SEC14L1: variants seen among roughly 807,000 people sequenced by gnomAD.
SEC14L1 encodes the protein SEC14 like lipid binding 1.
In SEC14L1, 48 loss-of-function variants were observed where a neutral mutation model predicts 85.3. That is an observed-to-expected ratio of 0.56 (90% CI 0.45 to 0.72). SEC14L1 has a LOEUF of 0.72. SEC14L1 is among the 30% of genes least tolerant of loss of function. The pLI, the probability that SEC14L1 is intolerant of heterozygous loss-of-function variation, is 0.00. For missense variants in SEC14L1, 682 were observed against 921.4 expected (o/e 0.74, Z 3.36); for synonymous variants, 391 against 355.5 (o/e 1.10, Z -1.12).
At chr17:77,153,504 C>G (rs1409300406) in intron 3 of SEC14L1, among the ~76,000 whole-genome samples, 1 of 152,182 alleles carries the variant, frequency 6.6e-6, no homozygotes, top group Non-Finnish European at 1.5e-5. Context: ...CCAAATTAAA[C>G]TAGGCCATTC....
intron 3 of SEC14L1, among the ~76,000 whole-genome samples, chr17:77,172,574 C>T (rs1157609597): frequency 6.6e-6 from 1 of 152,032 alleles, no homozygotes; most frequent in Admixed American, 6.6e-5. Context: ...ACCTTTTGAG[C>T]GTCTCTCAAA....
chr17:77,213,839 G>A lies in SEC14L1; in HGVS notation c.2043-79G>A, dbSNP rs760737652. On this transcript the variant is annotated intron_variant, in intron 16 of 16. Coordinates refer to ENST00000436233, the MANE Select transcript of SEC14L1 (RefSeq NM_001143998.2). This position sits in a 1 kb window ranked among gnomAD's most constrained non-coding sequence, Gnocchi z 7.1. Reference sequence around the variant, plus strand: ...GTGAGCAGAGAACAGGGTGGGCCACGAAGTCCAGCAGGCAGTGTGGGCCGG... The same window carrying A: ...GTGAGCAGAGAACAGGGTGGGCCACAAAGTCCAGCAGGCAGTGTGGGCCGG... The A allele has an allele frequency of 1.9e-5, 29 of 1,554,708 alleles. No individual in the cohort carries two copies. Among genetic ancestry groups the A allele is most frequent in the Non-Finnish European group, 2.3e-5 (26 of 1,127,986 alleles).
intron 9 of SEC14L1, among the ~76,000 whole-genome samples, chr17:77,203,360 T>C (rs1293492158): frequency 6.6e-6 from 1 of 152,148 alleles, no homozygotes; most frequent in African/African-American, 2.4e-5. Flanking sequence ...TGTCAGTTGG[T>C]TTTTATTTTT....
chr17:77,188,933 T>C (rs1975395349), intron 3 of SEC14L1, among the ~76,000 whole-genome samples: 1 of 152,158 alleles, frequency 6.6e-6, no homozygotes, highest in South Asian at 2.1e-4. Context: ...TCCTCTCAGG[T>C]GAGATATCAC....
chr17:77,177,391 C>G (rs1000486022), intron 3 of SEC14L1, among the ~76,000 whole-genome samples: 2 of 149,290 alleles, frequency 1.3e-5, no homozygotes, highest in Non-Finnish European at 3.0e-5. Flanking sequence ...ATCAGGCATA[C>G]TAGATTATAC....
intron 3 of SEC14L1, among the ~76,000 whole-genome samples, chr17:77,148,285 C>T (rs962630238): frequency 1.3e-5 from 2 of 152,044 alleles, no homozygotes; most frequent in Non-Finnish European, 2.9e-5. Flanking sequence ...GAGAGGCCAC[C>T]TTCTGAACCC....
chr17:77,154,978 T>A (rs1323679997), intron 3 of SEC14L1, among the ~76,000 whole-genome samples: 1 of 152,236 alleles, frequency 6.6e-6, no homozygotes, highest in African/African-American at 2.4e-5. Context: ...CCTCTGATTT[T>A]GCTGTTTGGG....
At chr17:77,140,314 G>A (rs978591740), upstream of SEC14L1, among the ~76,000 whole-genome samples, 15 of 152,228 alleles carry the variant, frequency 9.9e-5, no homozygotes, top group Non-Finnish European at 1.5e-5. Context: ...GAGCCGTCTG[G>A]ATGTGTTGAC....
chr17:77,201,148 G>T (rs895326858), intron 9 of SEC14L1, among the ~76,000 whole-genome samples: 5 of 152,192 alleles, frequency 3.3e-5, no homozygotes, highest in Admixed American at 2.6e-4. Flanking sequence ...ATGAAGGGGG[G>T]CGATGCACCT....
At chr17:77,131,558 C>T (rs1297141382) in intron 3 of SEC14L1, among the ~76,000 whole-genome samples, 1 of 152,256 alleles carries the variant, frequency 6.6e-6, no homozygotes, top group South Asian at 2.1e-4. Flanking sequence ...GCGTGAGCCA[C>T]CACACCCAGC....
chr17:77,183,187 G>T (rs1370829071), intron 3 of SEC14L1, among the ~76,000 whole-genome samples: 1 of 152,220 alleles, frequency 6.6e-6, no homozygotes. Context: ...TTTACATGTG[G>T]ACTTTCTCCC....
chr17:77,147,899 G>A (rs1268476383), intron 3 of SEC14L1, among the ~76,000 whole-genome samples: 2 of 152,042 alleles, frequency 1.3e-5, no homozygotes, highest in East Asian at 3.9e-4. Flanking sequence ...TTTAACCAAA[G>A]GGCTGCTCTT....
intron 7 of SEC14L1, among the ~76,000 whole-genome samples, chr17:77,195,820 G>A (rs1239898900): frequency 6.6e-6 from 1 of 151,872 alleles, no homozygotes; most frequent in Non-Finnish European, 1.5e-5. Context: ...ATTCAAAATA[G>A]ATTTAGATTT....
chr17:77,128,267 G>GGCAGCTGGGGGTCACCTCTTA (rs1972507517), intron 3 of SEC14L1, among the ~76,000 whole-genome samples: 2 of 152,098 alleles, frequency 1.3e-5, no homozygotes, highest in Admixed American at 1.3e-4. Flanking sequence ...ATGTCTAGTA[G>GGCAGCTGGGGGTCACCTCTTA]GCAGCTGGGG....
chr17:77,101,199 CAG>C (rs1971769998), intron 3 of SEC14L1, among the ~76,000 whole-genome samples: 2 of 151,002 alleles, frequency 1.3e-5, no homozygotes, highest in Admixed American at 1.3e-4. Flanking sequence ...TTTTTTGAGA[CAG>C]AGTCTCGCCC....
At chr17:77,183,967 G>T (rs1029798985) in intron 3 of SEC14L1, among the ~76,000 whole-genome samples, 3 of 152,050 alleles carry the variant, frequency 2.0e-5, no homozygotes, top group African/African-American at 7.2e-5. Context: ...TGTATTTTTA[G>T]TAGAAACATA....
chr17:77,200,248 C>T (rs750018517), intron 8 of SEC14L1, among the ~76,000 whole-genome samples: 2 of 152,112 alleles, frequency 1.3e-5, no homozygotes, highest in African/African-American at 4.8e-5. Context: ...CGGCTCGCTG[C>T]AGCCTCCACC....
chr17:77,212,182 A>G lies in SEC14L1; in HGVS notation c.1844A>G (p.Lys615Arg). Residue 615 changes from lysine to arginine, a missense_variant, in exon 15 of 17, where the codon AAA becomes AGA. Lys to Arg is a conservative substitution (Grantham distance 26). Transcript: ENST00000436233. ...YSMVESPLIC[K>R]EGESVQGSHV... ...ATGGTGGAGTCGCCTCTGATCTGCAAAGAAGGAGAAAGCGTGCAGGTAAAA... is the reference window on the plus strand; with the variant it reads ...ATGGTGGAGTCGCCTCTGATCTGCAGAGAAGGAGAAAGCGTGCAGGTAAAA... The G allele has an allele frequency of 6.2e-7, 1 of 1,613,678 alleles. No individual in the cohort carries two copies. Among genetic ancestry groups the G allele is most frequent in the South Asian group, 1.1e-5 (1 of 91,080 alleles).
chr17:77,207,894 G>A (rs553968056), intron 13 of SEC14L1, among the ~76,000 whole-genome samples: 1 of 152,322 alleles, frequency 6.6e-6, no homozygotes, highest in East Asian at 1.9e-4. Flanking sequence ...GAACCTTGGG[G>A]TCCTTATAGG....
Sources: allele counts gnomAD v4.1 joint callset (sites outside exome capture counted in the v4.1 genomes callset), GRCh38; gene constraint gnomAD v4.1.1; non-coding constraint Gnocchi (gnomAD v3.1); transcripts MANE v1.5; gene names NCBI Gene and HGNC (gene_info 2026-07-23, HGNC 2026-07-21).